The following SLC35B1 variants were observed in gnomAD, a reference collection of about 807,000 sequenced individuals.
The protein encoded by SLC35B1 is solute carrier family 35 member B1, also known as ATP/ADP exchanger ER.
A neutral mutation model predicts 36.6 loss-of-function variants in SLC35B1; 27 were observed. That is an observed-to-expected ratio of 0.74 (90% CI 0.54 to 1.02). The LOEUF (loss-of-function observed/expected upper bound fraction) is 1.02. Ranked by LOEUF, SLC35B1 falls within the 50% of genes least tolerant of loss-of-function variation. SLC35B1 has a pLI of 0.00. For missense variants in SLC35B1, 321 were observed against 383.2 expected (o/e 0.84, Z 1.35); for synonymous variants, 162 against 152.5 (o/e 1.06, Z -0.46).
Position 49,701,509 on chromosome 17 carries a change from A to G in SLC35B1, c.918T>C (p.Gly306=), listed in dbSNP as rs373333081. Residue 306 remains glycine (G), a splice_region_variant and synonymous_variant, in exon 9 of 9, where the codon GGT becomes GGC. Transcript: ENST00000240333. ...QWVGTVLVFL[G]LGLDAKFGKG... The stretch of plus-strand genomic sequence containing the variant: ...TCCCAAACTTGGCATCAAGACCAAG[A>G]CCTATGAAAAGGAAGAAAATGGGCT... The G allele has an allele frequency of 1.4e-5, 23 of 1,613,714 alleles. No individual in the cohort carries two copies. The highest frequency in any genetic ancestry group is 1.9e-5 in the Non-Finnish European group (23 of 1,179,696).
At chr17:49,707,478 C>G (rs1288193420) in intron 1 of SLC35B1, 1 of 1,483,622 alleles carries the variant, frequency 6.7e-7, no homozygotes, top group Non-Finnish European at 9.0e-7. Flanking sequence ...GCCTGTAAAA[C>G]GCAGGCCCTT....
Position 49,707,775 on chromosome 17 carries a change from C to T in SLC35B1, c.59G>A (p.Gly20Asp). The T allele has an allele frequency of 6.2e-7, 1 of 1,612,120 alleles. No individual in the cohort carries two copies. Among genetic ancestry groups the T allele is most frequent in the Non-Finnish European group, 8.5e-7 (1 of 1,179,864 alleles). ...DRLRLPLCFL[G>D]VFVCYFYYGI... ...ATAGTAAAAATAGCAGACAAAGACA[C>T]CCAGGAAGCAGAGCGGCAGGCGCAG... is the stretch of plus-strand genomic sequence containing the variant. Residue 20 changes from glycine to aspartate, a missense_variant, in exon 1 of 9, where the codon GGT becomes GAT. Physicochemically the swap from Gly to Asp is moderately conservative, Grantham distance 94. Transcript: ENST00000240333.
chr17:49,705,530 G>C (rs2073404947), intron 4 of SLC35B1: 1 of 587,768 alleles, frequency 1.7e-6, no homozygotes, highest in African/African-American at 1.9e-5. Flanking sequence ...ACAAGGGTAG[G>C]GAACAGTGGA....
At position 49,702,897 on chromosome 17, in the gene SLC35B1, T is replaced by C. The variant is rs1012154093; in HGVS notation, c.877A>G (p.Ser293Gly). 12 of 1,614,058 alleles carry C rather than the reference T, an allele frequency of 7.4e-6. No individual in the cohort carries two copies. In the Admixed American group the frequency reaches 1.8e-4, roughly 25 times the overall value. Residue 293 changes from serine (S) to glycine (G), a missense_variant, in exon 8 of 9, where the codon AGC (serine) becomes GGC (glycine). By Grantham distance (56) the Ser-to-Gly change is moderately conservative. Coordinates refer to ENST00000240333, the MANE Select transcript of SLC35B1 (RefSeq NM_005827.4). ...ACAGTGCCCACCCACTGCATGGGGC[T>C]GATGGGATTGGCGAAGAGGATCACA... ...ASVILFANPI[S>G]PMQWVGTVLV...
chr17:49,703,325 C>T (rs2073374945), intron 6 of SLC35B1, 31 bp from the exon 7 acceptor site: 17 of 1,381,752 alleles, frequency 1.2e-5, no homozygotes, highest in Non-Finnish European at 1.5e-5. Flanking sequence ...ATGTACGGCG[C>T]ATTTTGTGCA....
intron 5 of SLC35B1, among the ~76,000 whole-genome samples, 200 bp from the exon 6 acceptor site, chr17:49,704,426 G>A (rs1271996880): frequency 3.4e-5 from 3 of 87,808 alleles, no homozygotes; most frequent in African/African-American, 4.5e-5. Context: ...CCCGGCCCAC[G>A]CACTGGACTG....
intron 5 of SLC35B1, 184 bp downstream of exon 5, chr17:49,704,940 T>C (rs959732407): frequency 5.4e-6 from 3 of 554,468 alleles, no homozygotes; most frequent in African/African-American, 3.8e-5. Flanking sequence ...GAGTTGTAGT[T>C]AAATATTTCA....
In SLC35B1 at chr17:49,701,203, G is replaced by C. The variant is rs1187749997; in HGVS notation, c.*255C>G. On this transcript the variant is annotated 3_prime_UTR_variant, in exon 9 of 9. Transcript: ENST00000240333. The stretch of plus-strand genomic sequence containing the variant: ...CCGTGAGAGGAGCAGCCTGGGTAAT[G>C]AACATCCAGCTCTGCCTCTTCCCTC... 4.8e-6 allele frequency: 2 copies of C among 418,892 alleles called. No individual in the cohort carries two copies. Among genetic ancestry groups the C allele is most frequent in the African/African-American group, 4.0e-5 (2 of 50,208 alleles). 25.9% of individuals were successfully genotyped at this position (418,892 alleles called of 1,614,324 possible).
At chr17:49,707,579 G>GT in intron 1 of SLC35B1, 151 bp downstream of exon 1, 1 of 1,465,236 alleles carries the variant, frequency 6.8e-7, no homozygotes, top group Non-Finnish European at 9.1e-7. Flanking sequence ...ATTCTGGGTA[G>GT]GCTCAGCCAT....
At position 49,706,839 on chromosome 17, in the gene SLC35B1, G is replaced by A. The variant is rs2073425032; in HGVS notation, c.208+126C>T. On this transcript the variant is annotated intron_variant, in intron 2 of 8. Transcript: ENST00000240333. ...GTTTTACAGACTTCACAGAGAGGCT[G>A]TGTAAGTACAAAATGGGGTGGAGAT... 13 of 698,100 alleles carry A rather than the reference G, an allele frequency of 1.9e-5. No homozygotes were observed. The East Asian group carries it at 3.4e-4, about 18-fold the overall frequency. 43.2% of individuals were successfully genotyped at this position (698,100 alleles called of 1,614,324 possible). A position where few individuals can be genotyped will look rare whatever the true frequency, so the allele number is the denominator to read the frequency against.
intron 8 of SLC35B1, chr17:49,701,935 A>G: frequency 2.4e-6 from 1 of 416,610 alleles, no homozygotes; most frequent in Non-Finnish European, 4.8e-6. Flanking sequence ...ACAAAAAAAA[A>G]AAAAAAAATT....
chr17:49,707,743 G>C lies in SLC35B1; in HGVS notation c.91C>G (p.Leu31Val), dbSNP rs766515019. The change falls in exon 1 of 9, where the codon CTG becomes GTG. Residue 31 changes from leucine to valine, a missense_variant. Transcript: ENST00000240333. The stretch of plus-strand genomic sequence containing the variant: ...GGGGTCGCTCACATCTTTTCCTGCA[G>C]GATCCCATAGTAAAAATAGCAGACA... ...VFVCYFYYGI[L>V]QEKITRGKYG... is the part of the protein sequence containing the mutation. The C allele has an allele frequency of 2.6e-5, 42 of 1,611,890 alleles. No homozygotes were observed. The highest frequency in any genetic ancestry group is 3.5e-5 in the Non-Finnish European group (41 of 1,179,844).
chr17:49,703,352 A>ATG (rs2073376413), intron 6 of SLC35B1, 58 bp from the exon 7 acceptor site: 2 of 308,814 alleles, frequency 6.5e-6, no homozygotes, highest in South Asian at 5.7e-5. Context: ...ATGTGCGCAC[A>ATG]CACACACACA....
At chr17:49,707,413 C>T (rs1203112072) in intron 1 of SLC35B1, 7 of 1,442,056 alleles carry the variant, frequency 4.9e-6, no homozygotes, top group African/African-American at 4.2e-5. Context: ...TTGCAAGCAT[C>T]TGGGAGTACC....
Position 49,704,123 on chromosome 17 carries a change from CA to C in SLC35B1, c.631del (p.Trp211GlyfsTer20). ...ACCCATTCCCAGCAGCAATGTCGAC[CA>C]AAGGTTGATGTTCAGCATCATGTGG... Reference protein sequence around the residue: ...SNHMMLNINLWSTLLLGMGIL... With the variant: ...SNHMMLNINLXSTLLLGMGIL... On this transcript the variant is annotated frameshift_variant, in exon 6 of 9. Coordinates refer to ENST00000240333, the MANE Select transcript of SLC35B1 (RefSeq NM_005827.4). LOFTEE classifies it high-confidence loss of function. 6.2e-7 allele frequency: 1 copy of C among 1,614,158 alleles called. No homozygotes were observed. The highest frequency in any genetic ancestry group is 8.5e-7 in the Non-Finnish European group (1 of 1,180,018).
chr17:49,702,903 G>C lies in SLC35B1; in HGVS notation c.871C>G (p.Pro291Ala). The change falls in exon 8 of 9, where the codon CCC becomes GCC. Residue 291 changes from proline to alanine, a missense_variant. Pro to Ala is a conservative substitution (Grantham distance 27, BLOSUM62 -1). Coordinates refer to ENST00000240333, the MANE Select transcript of SLC35B1 (RefSeq NM_005827.4). ...CCCACCCACTGCATGGGGCTGATGG[G>C]ATTGGCGAAGAGGATCACAGAGGCC... is the stretch of plus-strand genomic sequence containing the variant. ...ILASVILFAN[P>A]ISPMQWVGTV... 1 of 1,614,160 alleles carries C rather than the reference G, an allele frequency of 6.2e-7. No individual in the cohort carries two copies. The highest frequency in any genetic ancestry group is 8.5e-7 in the Non-Finnish European group (1 of 1,180,032).
At chr17:49,703,354 AC>A in intron 6 of SLC35B1, 60 bp from the exon 7 acceptor site, 1 of 749,430 alleles carries the variant, frequency 1.3e-6, no homozygotes. Context: ...GTGCGCACAC[AC>A]ACACACACAC....
chr17:49,705,616 T>G lies in SLC35B1; in HGVS notation c.370+250A>C, dbSNP rs534147428. On this transcript the variant is annotated intron_variant, in intron 4 of 8. Transcript: ENST00000240333. ...GTTGTCTAATGACAATATAAACACATGCAACACAGAAATGGCTGACCAAGT... is the reference window on the plus strand; with the variant it reads ...GTTGTCTAATGACAATATAAACACAGGCAACACAGAAATGGCTGACCAAGT... 4 of 598,222 alleles carry G rather than the reference T, an allele frequency of 6.7e-6. No homozygotes were observed. The Admixed American group carries it at 1.2e-4, about 18-fold the overall frequency. The allele number at this position is 598,222 out of a possible 1,614,324, so 37.1% of individuals were successfully genotyped here.
In SLC35B1 at chr17:49,707,783, G is replaced by A. The variant is rs1352987656; in HGVS notation, c.51C>T (p.Cys17=). ...LVPDRLRLPL[C]FLGVFVCYFY... ...AATAGCAGACAAAGACACCCAGGAA[G>A]CAGAGCGGCAGGCGCAGCCGGTCGG... Residue 17 remains cysteine (C), a synonymous_variant, in exon 1 of 9, where the codon TGC becomes TGT. Coordinates refer to ENST00000240333, the MANE Select transcript of SLC35B1 (RefSeq NM_005827.4). 3 of 1,612,140 alleles carry A rather than the reference G, an allele frequency of 1.9e-6. No homozygotes were observed. Among genetic ancestry groups the A allele is most frequent in the Non-Finnish European group, 2.5e-6 (3 of 1,179,866 alleles).
Sources: allele counts gnomAD v4.1 joint callset (sites outside exome capture counted in the v4.1 genomes callset), GRCh38; gene constraint gnomAD v4.1.1; transcripts MANE v1.5; gene names NCBI Gene and HGNC (gene_info 2026-07-23, HGNC 2026-07-21).